WDFY4: variants seen among roughly 807,000 people sequenced by gnomAD.
WDFY4 encodes WD repeat- and FYVE domain-containing protein 4.
Under a neutral mutation model 351.9 loss-of-function variants are expected in WDFY4, and 169 were observed. The ratio of observed to expected loss-of-function variants is 0.48; its 90% CI spans 0.42 to 0.55. The LOEUF is 0.55. Among genes scored for constraint, WDFY4 ranks in the 20% least tolerant of loss-of-function variants. WDFY4 has a pLI of 0.00. For synonymous variants in WDFY4, 1,622 were observed against 1,574.6 expected, an observed-to-expected ratio of 1.03 and a Z score of -0.71; for missense variants, 3,803 against 3,935.6, an observed-to-expected ratio of 0.97 and a Z score of 0.90.
intron 44 of WDFY4, among the ~76,000 whole-genome samples, chr10:48,895,334 C>A (rs774843814): frequency 1.3e-5 from 2 of 152,202 alleles, no homozygotes; most frequent in Non-Finnish European, 2.9e-5. Flanking sequence ...CCTTGGGGAC[C>A]ACACTGGGAG....
At chr10:48,842,797 G>T (rs116805992) in intron 39 of WDFY4, among the ~76,000 whole-genome samples, 1,618 of 152,282 alleles carry the variant, frequency 0.011, 27 homozygotes, top group African/African-American at 0.037. Flanking sequence ...CTTTGTCCAT[G>T]GCTTGCTTGC....
chr10:48,741,940 A>G (rs2064864359), intron 11 of WDFY4, among the ~76,000 whole-genome samples: 1 of 152,260 alleles, frequency 6.6e-6, no homozygotes, highest in Non-Finnish European at 1.5e-5. Flanking sequence ...TGATCAATAA[A>G]TAAGTACTAA....
chr10:48,754,573 TTATGTTATATATTAA>T (rs1238828038), intron 12 of WDFY4, among the ~76,000 whole-genome samples: 6 of 151,424 alleles, frequency 4.0e-5, no homozygotes, highest in African/African-American at 1.5e-4. Flanking sequence ...TATGATATTA[TTATGTTATATATTAA>T]TATGTTATAT....
In WDFY4 at chr10:48,743,205, G is replaced by A; in HGVS notation, c.2116G>A (p.Gly706Arg). The A allele has an allele frequency of 6.4e-7, 1 of 1,551,718 alleles. No homozygotes were observed. The highest frequency in any genetic ancestry group is 8.7e-7 in the Non-Finnish European group (1 of 1,146,998). Residue 706 changes from glycine to arginine, a missense_variant, in exon 12 of 62, where the codon GGG becomes AGG. Gly to Arg is a moderately radical substitution (Grantham distance 125). This residue lies in a region of WDFY4 where 3,054 missense variants were observed against 3,148.6 expected (regional missense o/e 0.97). Transcript: ENST00000325239. Reference sequence around the variant, plus strand: ...CAATGGCTACTTCTTCAGGAGGAATGGGCTCTTTGAGAAGCTGGCCGAGGA... The same window carrying A: ...CAATGGCTACTTCTTCAGGAGGAATAGGCTCTTTGAGAAGCTGGCCGAGGA... ...PVNGYFFRRNGLFEKLAEDLC... is the reference protein window; with the variant it reads ...PVNGYFFRRNRLFEKLAEDLC...
rs539728661 is a variant in WDFY4, at chr10:48,959,479, C to T, written c.8132-243C>T. On this transcript the variant is annotated intron_variant, in intron 52 of 61. Coordinates refer to ENST00000325239, the MANE Select transcript of WDFY4 (RefSeq NM_001394531.1). ...CACTGAAATCATTTCAGATGACTTG[C>T]AAAGCAAGCACTAGCACTGCCTGGG... is the stretch of plus-strand genomic sequence containing the variant. Among the ~76,000 whole-genome samples the T allele has an allele frequency of 2.6e-5, 4 of 152,298 alleles. No individual in the cohort carries two copies. The East Asian group carries it at 7.7e-4, about 29-fold the overall frequency.
In WDFY4 at chr10:48,937,456, G is replaced by C. The variant is rs1458741903; in HGVS notation, c.7587-4350G>C. ...AGTCAGCGTGTCGGTGTTTATGCTG[G>C]CTGCTCTGTGCCAGGCCTAGGGTAG... On this transcript the variant is annotated intron_variant, in intron 47 of 61. Coordinates refer to ENST00000325239, the MANE Select transcript of WDFY4 (RefSeq NM_001394531.1). Among the ~76,000 whole-genome samples the C allele has an allele frequency of 4.6e-5, 7 of 152,142 alleles. 1 individual carries two copies. The highest frequency in any genetic ancestry group is 8.8e-5 in the Non-Finnish European group (6 of 68,040).
rs372139941 is a variant in WDFY4, at chr10:48,788,666, C to T, written c.3945C>T (p.Ile1315=). Residue 1315 remains isoleucine (I), a synonymous_variant, in exon 21 of 62, where the codon ATC becomes ATT. Transcript: ENST00000325239. ...ACAATGAGGTGGACAGCCGCCTGAT[C>T]GCCAAAGAGGTACATCTTCTAACTT... The part of the protein sequence containing the change: ...NAYNEVDSRL[I]AKEMNISSRD... The T allele has an allele frequency of 2.5e-5, 39 of 1,551,494 alleles. No homozygotes were observed. The highest frequency in any genetic ancestry group is 1.6e-4 in the African/African-American group (12 of 73,048).
rs1423436740 is a variant in WDFY4, at chr10:48,963,864, G to A, written c.8246G>A (p.Ser2749Asn). Residue 2749 changes from serine to asparagine, a missense_variant, in exon 54 of 62, where the codon AGT (serine) becomes AAT (asparagine). Ser to Asn is a conservative substitution (Grantham distance 46, BLOSUM62 1). Coordinates refer to ENST00000325239, the MANE Select transcript of WDFY4 (RefSeq NM_001394531.1). Reference sequence around the variant, plus strand: ...CAGGCCCTGGAAAGTGACTTTGTCAGTGCCAACCTCCACCATTGGATAGAC... The same window carrying A: ...CAGGCCCTGGAAAGTGACTTTGTCAATGCCAACCTCCACCATTGGATAGAC... ...HRKALESDFVSANLHHWIDLI... is the reference protein window; with the variant it reads ...HRKALESDFVNANLHHWIDLI... 4.5e-6 allele frequency: 7 copies of A among 1,551,472 alleles called. No individual in the cohort carries two copies. In the Admixed American group the frequency reaches 5.9e-5, roughly 13 times the overall value.
intron 35 of WDFY4, among the ~76,000 whole-genome samples, chr10:48,824,887 C>T (rs11101523): frequency 7.2e-5 from 11 of 152,168 alleles, no homozygotes; most frequent in Non-Finnish European, 1.5e-4. Context: ...CTCAAGAGAT[C>T]TTCTTATCTT....
chr10:48,783,535 A>G (rs1428358485), intron 19 of WDFY4, among the ~76,000 whole-genome samples: 3 of 151,448 alleles, frequency 2.0e-5, no homozygotes. Context: ...TCAAATGTAT[A>G]TATCTTATAT....
At chr10:48,969,004 C>A (rs1056056135) in intron 55 of WDFY4, 60 bp from the exon 56 acceptor site, 8 of 1,513,118 alleles carry the variant, frequency 5.3e-6, no homozygotes, top group African/African-American at 1.4e-5. Flanking sequence ...TGCCTGGGGG[C>A]CCAGCTGTAG....
intron 32 of WDFY4, among the ~76,000 whole-genome samples, chr10:48,818,310 G>A (rs2067693060): frequency 3.9e-5 from 6 of 152,240 alleles, no homozygotes; most frequent in Admixed American, 3.9e-4. Flanking sequence ...CAGGCCTGGA[G>A]TGGTTGCTCC....
At chr10:48,787,051 G>T (rs2066426948) in intron 20 of WDFY4, among the ~76,000 whole-genome samples, 181 bp downstream of exon 20, 1 of 152,200 alleles carries the variant, frequency 6.6e-6, no homozygotes, top group African/African-American at 2.4e-5. Context: ...AAAAGGAAAT[G>T]ACAATATCTT....
chr10:48,945,960 A>T, intron 49 of WDFY4, 80 bp from the exon 50 acceptor site: 2 of 957,728 alleles, frequency 2.1e-6, no homozygotes, highest in Non-Finnish European at 3.0e-6. Flanking sequence ...CAATAAAGAG[A>T]ACCATAAAAC....
chr10:48,801,198 C>G (rs11101504), intron 24 of WDFY4, among the ~76,000 whole-genome samples: 10,240 of 152,260 alleles, frequency 0.067, 566 homozygotes, highest in Middle Eastern at 0.16. Flanking sequence ...CACAGAATAA[C>G]AATCAAAAGA....
At chr10:48,767,453 G>A (rs563065842) in intron 13 of WDFY4, among the ~76,000 whole-genome samples, 1 of 152,282 alleles carries the variant, frequency 6.6e-6, no homozygotes, top group East Asian at 1.9e-4. Context: ...TTACACTATT[G>A]ATAAATTAAT....
intron 47 of WDFY4, among the ~76,000 whole-genome samples, chr10:48,906,576 T>C (rs944570562): frequency 1.3e-5 from 2 of 152,222 alleles, no homozygotes; most frequent in African/African-American, 4.8e-5. Flanking sequence ...TGAGTCCTGC[T>C]CTGTGGTGTT....
At chr10:48,763,654 A>C (rs529567028) in intron 13 of WDFY4, among the ~76,000 whole-genome samples, 1 of 152,376 alleles carries the variant, frequency 6.6e-6, no homozygotes, top group South Asian at 2.1e-4. Flanking sequence ...ATCCTATGAC[A>C]GTAATTGGAC....
chr10:48,848,577 G>A (rs2940711), intron 39 of WDFY4, among the ~76,000 whole-genome samples: 3,894 of 152,286 alleles, frequency 0.026, 165 homozygotes, highest in African/African-American at 0.089. Flanking sequence ...TGGGCAGGGG[G>A]TGACCAGCTG....
Sources: allele counts gnomAD v4.1 joint callset (sites outside exome capture counted in the v4.1 genomes callset), GRCh38; gene constraint gnomAD v4.1.1; regional missense constraint gnomAD v4.1.1; transcripts MANE v1.5; gene names NCBI Gene and HGNC (gene_info 2026-07-23, HGNC 2026-07-21).